Variants in CDADC1 observed in about 807,000 individuals in gnomAD.
CDADC1 encodes the protein cytidine and dCMP deaminase domain containing 1.
Under a neutral mutation model 54.9 loss-of-function variants are expected in CDADC1, and 39 were observed. The observed-to-expected ratio is 0.71, with a 90% CI of 0.55 to 0.93. The LOEUF (loss-of-function observed/expected upper bound fraction) is 0.93. Among genes scored for constraint, CDADC1 ranks in the 40% least tolerant of loss-of-function variants. CDADC1 has a pLI of 0.00. For missense variants in CDADC1, 518 were observed against 618.8 expected (o/e 0.84, Z 1.73); for synonymous variants, 186 against 204.0 (o/e 0.91, Z 0.75).
chr13:49,291,125 T>G (rs1447343985), intron 9 of CDADC1, among the ~76,000 whole-genome samples: 1 of 151,960 alleles, frequency 6.6e-6, no homozygotes, highest in Non-Finnish European at 1.5e-5. Context: ...AACAAAAAGT[T>G]TTATGAATTA....
At chr13:49,272,739 C>T (rs1953004062) in intron 5 of CDADC1, among the ~76,000 whole-genome samples, 1 of 150,354 alleles carries the variant, frequency 6.7e-6, no homozygotes, top group Admixed American at 6.7e-5. Context: ...CTCACTGCAA[C>T]CTCCGCCTCC....
chr13:49,256,078 T>TAAAA (rs61624498), intron 3 of CDADC1, among the ~76,000 whole-genome samples, 165 bp downstream of exon 3: 11 of 149,962 alleles, frequency 7.3e-5, no homozygotes, highest in African/African-American at 2.4e-4. Context: ...TCCTTTTTTT[T>TAAAA]AAAAAAAAAA....
intron 4 of CDADC1, 107 bp downstream of exon 4, chr13:49,259,630 C>A: frequency 2.8e-6 from 3 of 1,081,056 alleles, no homozygotes; most frequent in Non-Finnish European, 4.1e-6. Flanking sequence ...GCAGGAGGAT[C>A]GCCTGAGCCC....
At chr13:49,268,134 G>GA in intron 5 of CDADC1, 75 bp downstream of exon 5, 1 of 1,187,076 alleles carries the variant, frequency 8.4e-7, no homozygotes, top group South Asian at 1.4e-5. Flanking sequence ...TCTCATTTAT[G>GA]GTAGAGTTCA....
intron 8 of CDADC1, among the ~76,000 whole-genome samples, chr13:49,285,078 T>C (rs1341139985): frequency 2.0e-5 from 3 of 152,204 alleles, no homozygotes; most frequent in Admixed American, 2.0e-4. Context: ...TATGATATGA[T>C]ATAAAATGAT....
chr13:49,266,033 A>G lies in CDADC1; in HGVS notation c.431-1457A>G, dbSNP rs193267523. 3.2e-4 allele frequency: 330 copies of G among 1,039,784 alleles called. No individual in the cohort carries two copies. The Middle Eastern group carries it at 8.8e-3, about 28-fold the overall frequency. 64.4% of individuals were successfully genotyped at this position (1,039,784 alleles called of 1,614,324 possible). A position where few individuals can be genotyped will look rare whatever the true frequency, so the allele number is the denominator to read the frequency against. On this transcript the variant is annotated intron_variant, in intron 4 of 9. Coordinates refer to ENST00000251108, the MANE Select transcript of CDADC1 (RefSeq NM_030911.4). ...GAGGCCTTCAAAATTGCTTTGCAGC[A>G]TAAGCCACAGTGAGTCAGGAGTACC...
intron 4 of CDADC1, among the ~76,000 whole-genome samples, chr13:49,266,911 A>G (rs1952828694): frequency 6.6e-6 from 1 of 152,158 alleles, no homozygotes; most frequent in Non-Finnish European, 1.5e-5. Context: ...GTAAGATTTT[A>G]AAAAACAGCC....
At chr13:49,265,885 T>G in intron 4 of CDADC1, 1 of 1,302,550 alleles carries the variant, frequency 7.7e-7, no homozygotes, top group Non-Finnish European at 1.0e-6. Flanking sequence ...TCAGGATTAC[T>G]GGAAGCAGCT....
Position 49,248,137 on chromosome 13 carries a change from T to C in CDADC1, c.82+18T>C. On this transcript the variant is annotated intron_variant, in intron 1 of 9. Coordinates refer to ENST00000251108, the MANE Select transcript of CDADC1 (RefSeq NM_030911.4). Reference sequence around the variant, plus strand: ...CATGACCGGTGAGTGTCCGGGACCCTGCTCCCGCCACCCTACCTTTCGCTC... The same window carrying C: ...CATGACCGGTGAGTGTCCGGGACCCCGCTCCCGCCACCCTACCTTTCGCTC... The C allele has an allele frequency of 6.5e-7, 1 of 1,542,594 alleles. No individual in the cohort carries two copies. The highest frequency in any genetic ancestry group is 1.4e-5 in the African/African-American group (1 of 73,016).
chr13:49,280,184 T>C (rs1953277526), intron 7 of CDADC1, among the ~76,000 whole-genome samples: 1 of 152,150 alleles, frequency 6.6e-6, no homozygotes, highest in Non-Finnish European at 1.5e-5. Flanking sequence ...TTAGAAAGCA[T>C]TGGGGGTTTT....
rs151057877 is a variant in CDADC1, at chr13:49,250,237, C to T, written c.177+1272C>T. Among the ~76,000 whole-genome samples, 270 of 152,270 alleles carry T rather than the reference C, an allele frequency of 1.8e-3. 2 individuals carry two copies. Among genetic ancestry groups the T allele is most frequent in the African/African-American group, 6.0e-3 (249 of 41,548 alleles). Reference sequence around the variant, plus strand: ...GATTTTCCAGAGAAAGACTATAAATCCTTAAATTCCCACAGTACTCTTAGG... The same window carrying T: ...GATTTTCCAGAGAAAGACTATAAATTCTTAAATTCCCACAGTACTCTTAGG... On this transcript the variant is annotated intron_variant, in intron 2 of 9. Coordinates refer to ENST00000251108, the MANE Select transcript of CDADC1 (RefSeq NM_030911.4).
intron 3 of CDADC1, 100 bp downstream of exon 3, chr13:49,256,013 G>T: frequency 4.9e-6 from 7 of 1,419,108 alleles, no homozygotes; most frequent in Admixed American, 2.7e-5. Flanking sequence ...TATCAAGGGA[G>T]TTTTTAAAAT....
At chr13:49,249,277 G>A (rs1952369892) in intron 2 of CDADC1, among the ~76,000 whole-genome samples, 1 of 152,150 alleles carries the variant, frequency 6.6e-6, no homozygotes, top group Non-Finnish European at 1.5e-5. Context: ...TATCTAGGTA[G>A]TTTACTCCTC....
chr13:49,262,010 C>T (rs571971091), intron 4 of CDADC1, among the ~76,000 whole-genome samples: 1 of 152,196 alleles, frequency 6.6e-6, no homozygotes, highest in South Asian at 2.1e-4. Flanking sequence ...ATGGTTGAAC[C>T]CCATGCTATA....
intron 6 of CDADC1, among the ~76,000 whole-genome samples, chr13:49,276,656 G>A (rs1953142713): frequency 7.9e-6 from 1 of 126,654 alleles, no homozygotes; most frequent in South Asian, 2.9e-4. Context: ...CTACTTACCT[G>A]TACCCCAACT....
chr13:49,290,563 C>A (rs931951750), intron 9 of CDADC1, among the ~76,000 whole-genome samples: 2 of 152,138 alleles, frequency 1.3e-5, no homozygotes, highest in Non-Finnish European at 2.9e-5. Flanking sequence ...GCAGAACATA[C>A]AGGCTCAGGG....
At chr13:49,284,402 A>T (rs1353231993) in intron 8 of CDADC1, among the ~76,000 whole-genome samples, 1 of 152,146 alleles carries the variant, frequency 6.6e-6, no homozygotes, top group Non-Finnish European at 1.5e-5. Context: ...CAATATTCCA[A>T]CCCATAGGCC....
At chr13:49,269,807 T>C (rs981297213) in intron 5 of CDADC1, among the ~76,000 whole-genome samples, 1 of 152,236 alleles carries the variant, frequency 6.6e-6, no homozygotes, top group Non-Finnish European at 1.5e-5. Context: ...TCATACCAGC[T>C]GTGATTCCAG....
chr13:49,292,216 A>T lies in CDADC1; in HGVS notation c.*459A>T. On this transcript the variant is annotated 3_prime_UTR_variant, in exon 10 of 10. Coordinates refer to ENST00000251108, the MANE Select transcript of CDADC1 (RefSeq NM_030911.4). ...TTTAAGAGTCAGTGTATAGCAAACCAAAAGATCACATTTATACCCAAAGCT... is the reference window on the plus strand; with the variant it reads ...TTTAAGAGTCAGTGTATAGCAAACCTAAAGATCACATTTATACCCAAAGCT... 1.0e-6 allele frequency: 1 copy of T among 987,194 alleles called. No individual in the cohort carries two copies. The highest frequency in any genetic ancestry group is 1.2e-6 in the Non-Finnish European group (1 of 829,098). 61.2% of individuals were successfully genotyped at this position (987,194 alleles called of 1,614,324 possible). A position where few individuals can be genotyped will look rare whatever the true frequency, so the allele number is the denominator to read the frequency against.
Sources: gnomAD v4.1 joint callset for allele counts (sites outside exome capture counted in the v4.1 genomes callset) on GRCh38, gnomAD v4.1.1 for gene constraint, MANE v1.5 for transcripts, NCBI Gene and HGNC (gene_info 2026-07-23, HGNC 2026-07-21) for gene names.